SCN2A: variants seen among roughly 807,000 people sequenced by gnomAD.
SCN2A encodes sodium voltage-gated channel alpha subunit 2.
A neutral mutation model predicts 188.7 loss-of-function variants in SCN2A; 20 were observed. The ratio of observed to expected loss-of-function variants is 0.11; its 90% CI spans 0.07 to 0.15. SCN2A has a LOEUF of 0.15. Ranked by LOEUF, SCN2A falls within the 10% of genes least tolerant of loss-of-function variation. The pLI, the probability that SCN2A is intolerant of heterozygous loss-of-function variation, is 1.00. For synonymous variants in SCN2A, 804 were observed against 833.1 expected, an observed-to-expected ratio of 0.97 and a Z score of 0.60; for missense variants, 1,278 against 2,445.0, an observed-to-expected ratio of 0.52 and a Z score of 10.07.
At chr2:165,259,805 C>T (rs1188714089) in intron 1 of SCN2A, among the ~76,000 whole-genome samples, 4 of 152,232 alleles carry the variant, frequency 2.6e-5, no homozygotes, top group Non-Finnish European at 5.9e-5. Context: ...TTGACCTCCT[C>T]CTATGAATCA....
At position 165,336,133 on chromosome 2, in the gene SCN2A, G is replaced by A. The variant is rs575031456; in HGVS notation, c.2388+4565G>A. On this transcript the variant is annotated intron_variant, in intron 14 of 26. Coordinates refer to ENST00000375437, the MANE Select transcript of SCN2A (RefSeq NM_001040142.2). ...TCAAGGATGTGGAAAAATTAGAATG[G>A]TTATGCTTTACTTTGAGAATATAAA... Among the ~76,000 whole-genome samples, 5 of 151,830 alleles carry A rather than the reference G, an allele frequency of 3.3e-5. No homozygotes were observed. The East Asian group carries it at 7.7e-4, about 23-fold the overall frequency.
chr2:165,291,491 T>TTTCTTTCTTTCTTTTC (rs1389976633), intron 1 of SCN2A, among the ~76,000 whole-genome samples: 30 of 38,844 alleles, frequency 7.7e-4, no homozygotes, highest in African/African-American at 2.3e-3. Flanking sequence ...TCTTTCTTTC[T>TTTCTTTCTTTCTTTTC]TTTCTTTCTT....
intron 14 of SCN2A, among the ~76,000 whole-genome samples, chr2:165,337,194 T>G (rs73969365): frequency 0.017 from 2,519 of 152,236 alleles, 67 homozygotes; most frequent in African/African-American, 0.053. Flanking sequence ...ATTCACTGGA[T>G]GTGTTTAAAA....
At chr2:165,286,849 G>A (rs1695857874) in intron 1 of SCN2A, among the ~76,000 whole-genome samples, 1 of 152,124 alleles carries the variant, frequency 6.6e-6, no homozygotes, top group African/African-American at 2.4e-5. Context: ...TGGGAAATGA[G>A]GTGTGTCCAA....
At chr2:165,349,488 A>T (rs1159171313) in intron 16 of SCN2A, among the ~76,000 whole-genome samples, 1 of 152,214 alleles carries the variant, frequency 6.6e-6, no homozygotes, top group Non-Finnish European at 1.5e-5. Context: ...TACTGAAATT[A>T]ACATATCTCT....
intron 1 of SCN2A, among the ~76,000 whole-genome samples, chr2:165,247,050 A>G (rs1693878824): frequency 6.6e-6 from 1 of 152,088 alleles, no homozygotes; most frequent in Non-Finnish European, 1.5e-5. Flanking sequence ...TTCTGCACCC[A>G]CATAACCTGA....
At chr2:165,349,552 T>A (rs1332047036) in intron 16 of SCN2A, among the ~76,000 whole-genome samples, 2 of 137,018 alleles carry the variant, frequency 1.5e-5, no homozygotes, top group African/African-American at 2.6e-5. Context: ...TCAGGAAATA[T>A]CAAGTACTTA....
chr2:165,292,064 T>C (rs1400398154), intron 1 of SCN2A, among the ~76,000 whole-genome samples: 1 of 152,110 alleles, frequency 6.6e-6, no homozygotes, highest in African/African-American at 2.4e-5. Context: ...AGGAAACTTA[T>C]CACTATGAAA....
At chr2:165,305,556 A>G (rs1697074311) in intron 3 of SCN2A, among the ~76,000 whole-genome samples, 1 of 152,216 alleles carries the variant, frequency 6.6e-6, no homozygotes, top group African/African-American at 2.4e-5. Flanking sequence ...ATACAGAGAA[A>G]TTGGTGCCCT....
In SCN2A at chr2:165,370,279, C is replaced by G. The variant is rs1273673089; in HGVS notation, c.3829C>G (p.Leu1277Val). 1 of 1,614,080 alleles carries G rather than the reference C, an allele frequency of 6.2e-7. No individual in the cohort carries two copies. Among genetic ancestry groups the G allele is most frequent in the East Asian group, 2.2e-5 (1 of 44,862 alleles). ...GTATTTTACCAATGCCTGGTGCTGGCTAGACTTCCTGATTGTTGATGTGAG... is the reference window on the plus strand; with the variant it reads ...GTATTTTACCAATGCCTGGTGCTGGGTAGACTTCCTGATTGTTGATGTGAG... Reference protein sequence around the residue: ...QVYFTNAWCWLDFLIVDVSLV... With the variant: ...QVYFTNAWCWVDFLIVDVSLV... The change falls in exon 20 of 27, where the codon CTA (leucine) becomes GTA (valine). Residue 1277 changes from leucine to valine, a missense_variant. Transcript: ENST00000375437.
intron 1 of SCN2A, chr2:165,267,436 A>G (rs1357264873): frequency 6.6e-6 from 1 of 152,062 alleles, no homozygotes; most frequent in Non-Finnish European, 1.5e-5. Context: ...AAAACTTGGT[A>G]TCCACATGCA....
Position 165,389,757 on chromosome 2 carries a change from A to T in SCN2A, c.5951A>T (p.Glu1984Val), listed in dbSNP as rs1260472813. Residue 1984 changes from glutamate to valine, a missense_variant, in exon 27 of 27, where the codon GAA (glutamate) becomes GTA (valine). Around this residue, in one of 17 missense-constraint regions of SCN2A, gnomAD observed 109 missense variants for 137.9 expected, o/e 0.79. Coordinates refer to ENST00000375437, the MANE Select transcript of SCN2A (RefSeq NM_001040142.2). This position sits in a 1 kb window ranked among gnomAD's most constrained non-coding sequence, Gnocchi z 4.2. Reference protein sequence around the residue: ...SYDSVTKPEKEKFEKDKSEKE... With the variant: ...SYDSVTKPEKVKFEKDKSEKE... The stretch of plus-strand genomic sequence containing the variant: ...GATAGTGTGACCAAACCAGAAAAAG[A>T]AAAATTTGAAAAAGACAAATCAGAA... 1 of 1,613,152 alleles carries T rather than the reference A, an allele frequency of 6.2e-7. No homozygotes were observed. The highest frequency in any genetic ancestry group is 8.5e-7 in the Non-Finnish European group (1 of 1,179,796).
intron 19 of SCN2A, among the ~76,000 whole-genome samples, chr2:165,367,801 G>A (rs6738948): frequency 0.019 from 2,938 of 152,314 alleles, 86 homozygotes; most frequent in African/African-American, 0.064. Flanking sequence ...CCTCACAGGA[G>A]GGGGAGCGCA....
Position 165,295,991 on chromosome 2 carries a change from G to A in SCN2A, c.168G>A (p.Leu56=). The A allele has an allele frequency of 6.2e-7, 1 of 1,614,096 alleles. No individual in the cohort carries two copies. The part of the protein sequence containing the change: ...DENGPKPNSD[L]EAGKSLPFIY... Reference sequence around the variant, plus strand: ...ATGGCCCAAAGCCAAACAGTGACTTGGAAGCAGGAAAATCTCTTCCATTTA... The same window carrying A: ...ATGGCCCAAAGCCAAACAGTGACTTAGAAGCAGGAAAATCTCTTCCATTTA... Residue 56 remains leucine, a synonymous_variant, in exon 2 of 27, where the codon TTG becomes TTA. Coordinates refer to ENST00000375437, the MANE Select transcript of SCN2A (RefSeq NM_001040142.2).
chr2:165,366,178 G>C (rs1323497200), intron 18 of SCN2A, among the ~76,000 whole-genome samples: 1 of 152,104 alleles, frequency 6.6e-6, no homozygotes, highest in East Asian at 1.9e-4. Context: ...ATAATACTTT[G>C]TTTTGTGATA....
At chr2:165,250,511 AC>A (rs1694040184) in intron 1 of SCN2A, among the ~76,000 whole-genome samples, 1 of 151,802 alleles carries the variant, frequency 6.6e-6, no homozygotes, top group Non-Finnish European at 1.5e-5. Context: ...ACACACACAC[AC>A]ACACACACAG....
intron 1 of SCN2A, among the ~76,000 whole-genome samples, chr2:165,258,131 G>C (rs1278127654): frequency 6.6e-6 from 1 of 152,036 alleles, no homozygotes; most frequent in East Asian, 1.9e-4. Flanking sequence ...AGTTTACTCT[G>C]TTGAATTTCT....
chr2:165,320,657 C>T (rs556483806), intron 11 of SCN2A, among the ~76,000 whole-genome samples: 1 of 152,350 alleles, frequency 6.6e-6, no homozygotes, highest in Non-Finnish European at 1.5e-5. Context: ...CATGTGGAAG[C>T]TGCCAAGGCT....
At chr2:165,335,620 G>A (rs2105301772) in intron 14 of SCN2A, among the ~76,000 whole-genome samples, 1 of 151,772 alleles carries the variant, frequency 6.6e-6, no homozygotes, top group East Asian at 1.9e-4. Context: ...TAGGCCTAAA[G>A]GTAGAGCTAA....
Sources: gnomAD v4.1 joint callset for allele counts (sites outside exome capture counted in the v4.1 genomes callset) on GRCh38, gnomAD v4.1.1 for gene constraint, gnomAD v4.1.1 regional missense constraint, Gnocchi (gnomAD v3.1) non-coding constraint, MANE v1.5 for transcripts, NCBI Gene and HGNC (gene_info 2026-07-23, HGNC 2026-07-21) for gene names.